Variants in IQCE observed in about 807,000 individuals in gnomAD.
IQCE encodes IQ domain-containing protein E.
IQCE carries 115 observed loss-of-function variants against 96.0 expected under a neutral mutation model. The observed-to-expected ratio is 1.20, with a 90% CI of 1.03 to 1.40. IQCE has a LOEUF of 1.40. Among genes scored for constraint, IQCE ranks in the 40% most tolerant of loss-of-function variants. The pLI is 0.00. For missense variants in IQCE, 1,041 were observed against 909.1 expected, an observed-to-expected ratio of 1.15 and a Z score of -1.87; for synonymous variants, 412 against 371.2, an observed-to-expected ratio of 1.11 and a Z score of -1.26.
chr7:2,576,543 G>T (rs1280863258), intron 6 of IQCE, among the ~76,000 whole-genome samples: 3 of 152,032 alleles, frequency 2.0e-5, no homozygotes, highest in Non-Finnish European at 2.9e-5. Flanking sequence ...GGGATTACAG[G>T]TGCGTGCCAC....
In IQCE at chr7:2,589,455, T is replaced by C. The variant is rs553634882; in HGVS notation, c.1045-452T>C. Among the ~76,000 whole-genome samples, 10 of 152,198 alleles carry C rather than the reference T, an allele frequency of 6.6e-5. No individual in the cohort carries two copies. The East Asian group carries it at 1.9e-3, about 29-fold the overall frequency. ...ACCCAGAGGTGGTTCGGAAGCACAG[T>C]GGGCAGCACGTCCAAGATCCGGGAG... On this transcript the variant is annotated intron_variant, in intron 13 of 21. Transcript: ENST00000402050.
chr7:2,609,684 T>A (rs1050291826), intron 21 of IQCE, among the ~76,000 whole-genome samples: 101 of 149,068 alleles, frequency 6.8e-4, no homozygotes, highest in African/African-American at 2.1e-3. Flanking sequence ...GGCTGGAGAG[T>A]GAGGCTTTCT....
In IQCE at chr7:2,593,035, C is replaced by T; in HGVS notation, c.1258C>T (p.Gln420Ter). ...QLLQRDLEVK[Q>*]LLQAKADLEK... ...TCTTGTGTGCAGTTTGGAGGTGAAG[C>T]AGCTCCTGCAGGCGAAGGCCGACCT... Residue 420 changes from glutamine (Q) to a stop codon, truncating the protein, a stop_gained, in exon 15 of 22, where the codon CAG becomes TAG. Transcript: ENST00000402050. LOFTEE classifies it high-confidence loss of function. 2 of 1,606,988 alleles carry T rather than the reference C, an allele frequency of 1.2e-6. No individual in the cohort carries two copies. The highest frequency in any genetic ancestry group is 2.2e-5 in the East Asian group (1 of 44,692).
rs529382715 is a variant in IQCE at position 2,578,166 on chromosome 7, T to C, written c.466-76T>C. On this transcript the variant is annotated intron_variant, in intron 6 of 21. Transcript: ENST00000402050. ...GTGCCCGCATTGGCGTGTGCGTGGC[T>C]GTGTGCGCGGGGACGTGTGTGCGGC... is the stretch of plus-strand genomic sequence containing the variant. 1.2e-4 allele frequency: 139 copies of C among 1,119,620 alleles called. 4 individuals are homozygous for C. The South Asian group carries it at 1.7e-3, about 14-fold the overall frequency. The allele number at this position is 1,119,620 out of a possible 1,614,324, so 69.4% of individuals were successfully genotyped here.
Position 2,604,947 on chromosome 7 carries a change from G to C in IQCE, c.1699G>C (p.Ala567Pro), listed in dbSNP as rs200079552. ...LTRTKLLASK[A>P]HGSEPPSVPG... is the part of the protein sequence containing the mutation. ...GCGGACAAAGCTCTTAGCAAGCAAA[G>C]CACATGGCTCAGAGCCACCCAGCGT... Residue 567 changes from alanine to proline, a missense_variant, in exon 19 of 22, where the codon GCA becomes CCA. By Grantham distance (27) the Ala-to-Pro change is conservative (BLOSUM62 -1). Transcript: ENST00000402050. 6.2e-7 allele frequency: 1 copy of C among 1,613,710 alleles called. No homozygotes were observed. Among genetic ancestry groups the C allele is most frequent in the African/African-American group, 1.3e-5 (1 of 75,060 alleles).
chr7:2,563,766 C>T (rs377090949), intron 1 of IQCE, among the ~76,000 whole-genome samples: 4 of 151,530 alleles, frequency 2.6e-5, no homozygotes, highest in African/African-American at 2.4e-5. Context: ...TGGTGGCAGG[C>T]GCCTGTATTC....
chr7:2,559,527 G>A (rs960604886), intron 1 of IQCE: 2 of 196,658 alleles, frequency 1.0e-5, no homozygotes, highest in Non-Finnish European at 2.0e-5. Flanking sequence ...CGGTGTAAGT[G>A]CCTCCGGGCA....
rs1562690938 is a variant in IQCE at position 2,610,704 on chromosome 7, A to C, written c.*542A>C. The C allele has an allele frequency of 6.4e-6, 1 of 155,426 alleles. No homozygotes were observed. Among genetic ancestry groups the C allele is most frequent in the Admixed American group, 6.5e-5 (1 of 15,488 alleles). 9.6% of individuals were successfully genotyped at this position (155,426 alleles called of 1,614,324 possible). On this transcript the variant is annotated 3_prime_UTR_variant, in exon 22 of 22. Transcript: ENST00000402050. ...CCTGTCCCAAGCCAGTGAGGAGCTA[A>C]AGACACCCAGGTCCCCAAATGATCT...
chr7:2,606,216 G>T (rs1164536222), intron 20 of IQCE, among the ~76,000 whole-genome samples: 2 of 152,170 alleles, frequency 1.3e-5, no homozygotes, highest in Non-Finnish European at 2.9e-5. Context: ...TGTGATCCTC[G>T]GGGGAGGCCT....
At chr7:2,580,728 A>T (rs1782599706) in intron 8 of IQCE, among the ~76,000 whole-genome samples, 1 of 151,392 alleles carries the variant, frequency 6.6e-6, no homozygotes, top group South Asian at 2.1e-4. Context: ...ATGTTAGAAT[A>T]AAAAAAAAGA....
chr7:2,565,097 C>T (rs1003933399), intron 1 of IQCE, among the ~76,000 whole-genome samples: 14 of 148,126 alleles, frequency 9.5e-5, no homozygotes, highest in African/African-American at 1.3e-4. Flanking sequence ...CGTGTGTGTG[C>T]GTGTGTGTGT....
rs1782374586 is a variant in IQCE at position 2,578,381 on chromosome 7, G to T, written c.579+26G>T. The T allele has an allele frequency of 3.7e-6, 6 of 1,612,436 alleles. No individual in the cohort carries two copies. In the East Asian group the frequency reaches 1.3e-4, roughly 36 times the overall value. ...GTAAGCTCCTGGCGCTTCACGGACG[G>T]GGCAAGGGGAGGGTCCTCGGGGCAG... On this transcript the variant is annotated intron_variant, in intron 7 of 21. Coordinates refer to ENST00000402050, the MANE Select transcript of IQCE (RefSeq NM_152558.5).
At chr7:2,573,284 A>G in intron 5 of IQCE, 134 bp from the exon 6 acceptor site, 1 of 597,956 alleles carries the variant, frequency 1.7e-6, no homozygotes, top group Non-Finnish European at 3.0e-6. Flanking sequence ...AAAACATGGA[A>G]TTATTTTGGC....
intron 8 of IQCE, among the ~76,000 whole-genome samples, chr7:2,579,215 G>A (rs979197831): frequency 6.6e-6 from 1 of 152,168 alleles, no homozygotes; most frequent in Non-Finnish European, 1.5e-5. Flanking sequence ...GCGATCAGCT[G>A]TAGGTGGCAC....
intron 18 of IQCE, 78 bp from the exon 19 acceptor site, chr7:2,604,798 TCTCTC>T: frequency 1.1e-6 from 1 of 912,548 alleles, no homozygotes; most frequent in South Asian, 1.4e-5. Context: ...CCGTGGCAGC[TCTCTC>T]CTCGGCGCCT....
chr7:2,578,348 C>A lies in IQCE; in HGVS notation c.572C>A (p.Pro191His). 6.2e-7 allele frequency: 1 copy of A among 1,613,598 alleles called. No homozygotes were observed. Among genetic ancestry groups the A allele is most frequent in the South Asian group, 1.1e-5 (1 of 91,078 alleles). The stretch of plus-strand genomic sequence containing the variant: ...CGGCAGATAGAGCAGCTCCTGGATC[C>A]CAGCCGCGTAAGCTCCTGGCGCTTC... ...KDRQIEQLLD[P>H]SRGTDFVRTL... Residue 191 changes from proline to histidine, a missense_variant, in exon 7 of 22, where the codon CCC becomes CAC. By Grantham distance (77) the Pro-to-His change is moderately conservative. Transcript: ENST00000402050.
intron 15 of IQCE, among the ~76,000 whole-genome samples, chr7:2,594,412 T>C (rs1258685625): frequency 6.6e-6 from 1 of 152,236 alleles, no homozygotes; most frequent in Non-Finnish European, 1.5e-5. Flanking sequence ...AATATCTAAA[T>C]TGCAATGCCT....
chr7:2,579,700 GGTGTGTGTGTGTGTGT>G (rs68086038), intron 8 of IQCE, among the ~76,000 whole-genome samples: 11 of 133,004 alleles, frequency 8.3e-5, no homozygotes, highest in Admixed American at 6.8e-4. Flanking sequence ...TTGTTCTGGT[GGTGTGTGTGTGTGTGT>G]GTGTGTGTGT....
At chr7:2,607,045 T>C in intron 20 of IQCE, 79 bp from the exon 21 acceptor site, 1 of 1,326,332 alleles carries the variant, frequency 7.5e-7, no homozygotes, top group Non-Finnish European at 1.0e-6. Context: ...CCAAGCAAAT[T>C]ACTGAGGCTG....
Sources: allele counts gnomAD v4.1 joint callset (sites outside exome capture counted in the v4.1 genomes callset), GRCh38; gene constraint gnomAD v4.1.1; transcripts MANE v1.5; gene names NCBI Gene and HGNC (gene_info 2026-07-23, HGNC 2026-07-21).